Variants in TLL1 observed in about 807,000 individuals in gnomAD.
The protein encoded by TLL1 is tolloid like 1.
Under a neutral mutation model 128.2 loss-of-function variants are expected in TLL1, and 49 were observed. The ratio of observed to expected loss-of-function variants is 0.38; its 90% CI spans 0.30 to 0.48. TLL1 has a LOEUF of 0.48. TLL1 is among the 20% of genes least tolerant of loss of function. TLL1 has a pLI of 0.96. For synonymous variants in TLL1, 454 were observed against 418.8 expected (o/e 1.08, Z -1.03); for missense variants, 1,123 against 1,242.0 (o/e 0.90, Z 1.44).
intron 15 of TLL1, among the ~76,000 whole-genome samples, chr4:166,064,024 T>C (rs1740461978): frequency 6.6e-6 from 1 of 151,882 alleles, no homozygotes; most frequent in African/African-American, 2.4e-5. Context: ...TGTGATGAAC[T>C]TACATATTTC....
rs1232159428 is a variant in TLL1, at chr4:165,873,691, A to G, written c.-214A>G. ...CCGCCCACCCGTGGGCCCCTAGCCA[A>G]CTTCTCCCTGCGACTGGGGGTAACA... On this transcript the variant is annotated 5_prime_UTR_variant, in exon 1 of 21. Transcript: ENST00000061240. 3.6e-6 allele frequency: 2 copies of G among 551,124 alleles called. No individual in the cohort carries two copies. Among genetic ancestry groups the G allele is most frequent in the Non-Finnish European group, 6.5e-6 (2 of 309,466 alleles). The allele number at this position is 551,124 out of a possible 1,614,324, so 34.1% of individuals were successfully genotyped here.
rs114965343 is a variant in TLL1, at chr4:166,074,959, G to T, written c.2270G>T (p.Arg757Leu). 2 of 1,613,612 alleles carry T rather than the reference G, an allele frequency of 1.2e-6. No homozygotes were observed. The highest frequency in any genetic ancestry group is 1.3e-5 in the African/African-American group (1 of 75,030). The change falls in exon 17 of 21, where the codon CGT becomes CTT. Residue 757 changes from arginine to leucine, a missense_variant. Arg to Leu is a moderately radical substitution (Grantham distance 102, BLOSUM62 -2). Transcript: ENST00000061240. ...NTMGSYMCQC[R>L]NGFVLHDNKH... ...ATGGGGAGCTACATGTGTCAATGCC[G>T]TAATGGATTTGTGCTACATGACAAT...
intron 5 of TLL1, among the ~76,000 whole-genome samples, chr4:166,001,826 T>A (rs1737176622): frequency 6.6e-6 from 1 of 151,342 alleles, no homozygotes; most frequent in Admixed American, 6.6e-5. Context: ...TGTCATTGAA[T>A]ATGTATAAAT....
At chr4:165,992,291 G>T (rs1381718593) in intron 2 of TLL1, among the ~76,000 whole-genome samples, 1 of 151,996 alleles carries the variant, frequency 6.6e-6, no homozygotes, top group Non-Finnish European at 1.5e-5. Flanking sequence ...AAATGCAGTT[G>T]AATATATTGT....
rs1267981633 is a variant in TLL1, at chr4:166,069,057, A to C, written c.2188+3194A>C. Reference sequence around the variant, plus strand: ...ATTTAAATATAAAAATAAATATAAAAGAAAAAACTCCTATCATGTTTCCAC... The same window carrying C: ...ATTTAAATATAAAAATAAATATAAACGAAAAAACTCCTATCATGTTTCCAC... On this transcript the variant is annotated intron_variant, in intron 16 of 20. Transcript: ENST00000061240. Among the ~76,000 whole-genome samples, 7 of 151,918 alleles carry C rather than the reference A, an allele frequency of 4.6e-5. No homozygotes were observed. In the East Asian group the frequency reaches 1.4e-3, roughly 29 times the overall value.
At chr4:165,980,049 A>G (rs932141572) in intron 1 of TLL1, among the ~76,000 whole-genome samples, 3 of 152,174 alleles carry the variant, frequency 2.0e-5, no homozygotes, top group Admixed American at 6.5e-5. Flanking sequence ...GTGCCTATCC[A>G]AACCGTATCC....
At chr4:166,053,080 T>A (rs189919434) in intron 12 of TLL1, 1 of 150,996 alleles carries the variant, frequency 6.6e-6, no homozygotes, top group East Asian at 2.0e-4. Flanking sequence ...ATTTTCCATT[T>A]ATTCCCATAA....
At chr4:165,907,363 A>C (rs1468589967) in intron 1 of TLL1, among the ~76,000 whole-genome samples, 1 of 152,128 alleles carries the variant, frequency 6.6e-6, no homozygotes, top group Non-Finnish European at 1.5e-5. Context: ...GAATCCAAAT[A>C]GCCACAATGG....
intron 1 of TLL1, among the ~76,000 whole-genome samples, chr4:165,943,365 T>C (rs1378314710): frequency 6.6e-6 from 1 of 152,082 alleles, no homozygotes; most frequent in African/African-American, 2.4e-5. Context: ...TTTATGCTCT[T>C]ATAAACCTTC....
intron 19 of TLL1, 101 bp downstream of exon 19, chr4:166,091,442 A>G: frequency 9.0e-6 from 9 of 995,576 alleles, no homozygotes; most frequent in Non-Finnish European, 1.3e-5. Flanking sequence ...ATCTCCAAGC[A>G]TAGCAGATAA....
chr4:165,893,379 T>G lies in TLL1; in HGVS notation c.169+19306T>G, dbSNP rs117570808. On this transcript the variant is annotated intron_variant, in intron 1 of 20. Transcript: ENST00000061240. Reference sequence around the variant, plus strand: ...AAAGAAATAAAGTGAGTCCTGTGAGTGCCTCAGTTTACTGTCTATACAACA... The same window carrying G: ...AAAGAAATAAAGTGAGTCCTGTGAGGGCCTCAGTTTACTGTCTATACAACA... Among the ~76,000 whole-genome samples the G allele has an allele frequency of 2.4e-3, 361 of 152,268 alleles. 2 individuals are homozygous for G. The East Asian group carries it at 0.043, about 18-fold the overall frequency.
intron 1 of TLL1, among the ~76,000 whole-genome samples, chr4:165,916,663 G>A (rs978296689): frequency 3.9e-5 from 6 of 151,910 alleles, no homozygotes. Context: ...ATATTATATG[G>A]GAAAAAACTC....
At chr4:166,032,489 T>A (rs1738816049) in intron 9 of TLL1, among the ~76,000 whole-genome samples, 1 of 152,102 alleles carries the variant, frequency 6.6e-6, no homozygotes, top group Admixed American at 6.6e-5. Flanking sequence ...AAGTCTTCTG[T>A]ATCAATGGAC....
At chr4:166,046,711 C>A (rs1038023373) in intron 12 of TLL1, among the ~76,000 whole-genome samples, 7 of 152,102 alleles carry the variant, frequency 4.6e-5, no homozygotes, top group African/African-American at 1.7e-4. Context: ...ATATATAGGG[C>A]TGTTGGGTAA....
At chr4:166,041,545 C>A (rs1024476293) in intron 10 of TLL1, among the ~76,000 whole-genome samples, 7 of 152,018 alleles carry the variant, frequency 4.6e-5, no homozygotes, top group Non-Finnish European at 8.8e-5. Flanking sequence ...ATGATCCACC[C>A]ACCTCGGCCT....
At position 166,008,885 on chromosome 4, in the gene TLL1, A is replaced by G. The variant is rs141864036; in HGVS notation, c.917+837A>G. ...GGCAAGGTCAGGAAAAGGGAAAAAT[A>G]TTCAAATGTATTAAGCTGCTTTTAT... On this transcript the variant is annotated intron_variant, in intron 7 of 20. Transcript: ENST00000061240. Among the ~76,000 whole-genome samples, 72 of 151,472 alleles carry G rather than the reference A, an allele frequency of 4.8e-4. 1 individual carries two copies. In the East Asian group the frequency reaches 0.014, roughly 29 times the overall value.
At chr4:166,053,792 T>C (rs1489373983) in intron 12 of TLL1, among the ~76,000 whole-genome samples, 1 of 152,162 alleles carries the variant, frequency 6.6e-6, no homozygotes, top group Admixed American at 6.5e-5. Flanking sequence ...TTGAGTGATA[T>C]TGACAACATT....
chr4:165,914,708 G>T (rs776539950), intron 1 of TLL1, among the ~76,000 whole-genome samples: 27 of 152,164 alleles, frequency 1.8e-4, no homozygotes, highest in Admixed American at 6.5e-5. Flanking sequence ...TACTGTGAAT[G>T]CAGAGGACCC....
At chr4:165,968,791 TA>T (rs1390624835) in intron 1 of TLL1, among the ~76,000 whole-genome samples, 1 of 152,194 alleles carries the variant, frequency 6.6e-6, no homozygotes, top group Non-Finnish European at 1.5e-5. Context: ...GTTCATCTTT[TA>T]AAAGTCAGAG....
Sources: allele counts gnomAD v4.1 joint callset (sites outside exome capture counted in the v4.1 genomes callset), GRCh38; gene constraint gnomAD v4.1.1; transcripts MANE v1.5; gene names NCBI Gene and HGNC (gene_info 2026-07-23, HGNC 2026-07-21).